The following B9D1 variants were observed in gnomAD, a reference collection of about 807,000 sequenced individuals.
B9D1 encodes the protein B9 domain-containing protein 1.
In B9D1, 20 loss-of-function variants were observed where a neutral mutation model predicts 26.1. The observed-to-expected ratio is 0.77, with a 90% CI of 0.54 to 1.12. B9D1 has a LOEUF of 1.12. Ranked by LOEUF, B9D1 falls within the 50% of genes most tolerant of loss-of-function variation. The pLI is 0.00. For missense variants in B9D1, 260 were observed against 273.7 expected, an observed-to-expected ratio of 0.95 and a Z score of 0.35; for synonymous variants, 105 against 103.1, an observed-to-expected ratio of 1.02 and a Z score of -0.11.
rs1908974532 is a variant in B9D1 at position 19,347,394 on chromosome 17, G to A, written c.342-63C>T. 6.3e-7 allele frequency: 1 copy of A among 1,586,584 alleles called. No individual in the cohort carries two copies. The highest frequency in any genetic ancestry group is 8.7e-7 in the Non-Finnish European group (1 of 1,155,930). ...AGAGACCTTTCTGAGCCTCCAGGGAGAAGAAACCCTCAGATCAGGCCAGTG... is the reference window on the plus strand; with the variant it reads ...AGAGACCTTTCTGAGCCTCCAGGGAAAAGAAACCCTCAGATCAGGCCAGTG... On this transcript the variant is annotated intron_variant, in intron 4 of 6. Coordinates refer to ENST00000261499, the MANE Select transcript of B9D1 (RefSeq NM_015681.6). The surrounding 1 kb of genome is among the most constrained non-coding windows in gnomAD (Gnocchi z 4.3).
At chr17:19,344,139 G>T (rs1054248533) in intron 5 of B9D1, among the ~76,000 whole-genome samples, 39 of 152,330 alleles carry the variant, frequency 2.6e-4, no homozygotes, top group African/African-American at 7.7e-4. Context: ...GGCTTCCATG[G>T]GTTTGGTTCA....
rs201775662 is a variant in B9D1, at chr17:19,347,240, G to C, written c.404+29C>G. The stretch of plus-strand genomic sequence containing the variant: ...CATCCATTCATCCAGTAGATCAGGA[G>C]GGGCTGGGGTTATGGGTACAAAACT... On this transcript the variant is annotated intron_variant, in intron 5 of 6. Coordinates refer to ENST00000261499, the MANE Select transcript of B9D1 (RefSeq NM_015681.6). This position sits in a 1 kb window ranked among gnomAD's most constrained non-coding sequence, Gnocchi z 4.3. 7 of 1,614,230 alleles carry C rather than the reference G, an allele frequency of 4.3e-6. No individual in the cohort carries two copies. The East Asian group carries it at 1.3e-4, about 31-fold the overall frequency.
chr17:19,340,096 A>ATC (rs1907796644), downstream of B9D1, among the ~76,000 whole-genome samples: 1 of 142,900 alleles, frequency 7.0e-6, no homozygotes, highest in South Asian at 2.2e-4. Flanking sequence ...TCACTGCATC[A>ATC]TCTCTTACCT....
intron 1 of B9D1, among the ~76,000 whole-genome samples, chr17:19,368,663 G>T (rs1045483083): frequency 2.0e-5 from 3 of 152,148 alleles, no homozygotes; most frequent in African/African-American, 4.8e-5. Flanking sequence ...TTCATTTGGG[G>T]GCGGGGCACA....
downstream of B9D1, chr17:19,337,479 G>A (rs570193728): frequency 9.4e-5 from 47 of 499,634 alleles, no homozygotes; most frequent in South Asian, 1.1e-3. Flanking sequence ...CTCTGTGCAA[G>A]TGCCTGGCTC....
At chr17:19,353,716 G>A (rs552854732) in intron 3 of B9D1, among the ~76,000 whole-genome samples, 7 of 152,172 alleles carry the variant, frequency 4.6e-5, no homozygotes, top group South Asian at 4.1e-4. Context: ...CGAGGTGGGC[G>A]GATCATTTGA....
At chr17:19,349,395 T>TG (rs1598061769) in intron 3 of B9D1, among the ~76,000 whole-genome samples, 1 of 151,298 alleles carries the variant, frequency 6.6e-6, no homozygotes, top group Non-Finnish European at 1.5e-5. Flanking sequence ...AAAAACATTT[T>TG]TTTTTTTTGA....
chr17:19,339,795 G>C (rs1249579162), downstream of B9D1, among the ~76,000 whole-genome samples: 1 of 152,154 alleles, frequency 6.6e-6, no homozygotes, highest in Non-Finnish European at 1.5e-5. Flanking sequence ...CCCTGAAGTG[G>C]GTCAGACCTC....
At chr17:19,375,505 C>A (rs1912062236) in intron 1 of B9D1, among the ~76,000 whole-genome samples, 1 of 152,122 alleles carries the variant, frequency 6.6e-6, no homozygotes, top group South Asian at 2.1e-4. Context: ...TGCCTGTAAT[C>A]CCAGCACTTT....
At chr17:19,377,330 C>T (rs1912185608) in intron 1 of B9D1, among the ~76,000 whole-genome samples, 1 of 151,964 alleles carries the variant, frequency 6.6e-6, no homozygotes, top group African/African-American at 2.4e-5. Context: ...GTGAATATAC[C>T]AAAAAACACT....
intron 5 of B9D1, chr17:19,344,660 G>A (rs1286757710): frequency 2.4e-5 from 4 of 164,728 alleles, no homozygotes; most frequent in South Asian, 2.4e-4. Flanking sequence ...ACCCGGCCCC[G>A]AGGGTCGCTG....
At chr17:19,335,596 A>C, downstream of B9D1, 5 of 833,962 alleles carry the variant, frequency 6.0e-6, no homozygotes, top group Non-Finnish European at 5.3e-6. Flanking sequence ...TCCCTGGGCA[A>C]CAGTCCCTAG....
chr17:19,339,450 C>T (rs1173210056), downstream of B9D1, among the ~76,000 whole-genome samples: 1 of 152,146 alleles, frequency 6.6e-6, no homozygotes, highest in Non-Finnish European at 1.5e-5. Flanking sequence ...CTCCTGCTGT[C>T]CAGCTTATGA....
upstream of B9D1, among the ~76,000 whole-genome samples, chr17:19,366,740 G>A (rs77901576): frequency 5.5e-3 from 836 of 152,314 alleles, 14 homozygotes; most frequent in African/African-American, 0.018. Context: ...TTGGAACACC[G>A]GTTGCTTGAA....
intron 2 of B9D1, 150 bp downstream of exon 2, chr17:19,360,170 C>T: frequency 1.3e-6 from 1 of 757,834 alleles, no homozygotes; most frequent in Non-Finnish European, 2.3e-6. Context: ...GTCCTCTGCT[C>T]CCGCTTTACC....
intron 1 of B9D1, among the ~76,000 whole-genome samples, chr17:19,361,786 A>G (rs756775191): frequency 6.6e-6 from 1 of 152,234 alleles, no homozygotes; most frequent in Non-Finnish European, 1.5e-5. Flanking sequence ...CTGGAAGGAC[A>G]GTGTAGTGAA....
At chr17:19,337,877 G>C (rs892516948), downstream of B9D1, 3 of 533,408 alleles carry the variant, frequency 5.6e-6, no homozygotes, top group African/African-American at 3.8e-5. Context: ...GGGTGGGTGG[G>C]GATGGGCAAG....
chr17:19,363,902 G>T (rs1911426843), upstream of B9D1: 1 of 152,200 alleles, frequency 6.6e-6, no homozygotes, highest in African/African-American at 2.4e-5. Flanking sequence ...TCTGACAAGA[G>T]CAGCTGGGGG....
intron 1 of B9D1, among the ~76,000 whole-genome samples, chr17:19,360,797 A>G (rs1417092944): frequency 6.6e-6 from 1 of 152,170 alleles, no homozygotes; most frequent in Non-Finnish European, 1.5e-5. Flanking sequence ...CTAGACCATG[A>G]GTAGAGAAGA....
Sources: gnomAD v4.1 joint callset for allele counts (sites outside exome capture counted in the v4.1 genomes callset) on GRCh38, gnomAD v4.1.1 for gene constraint, Gnocchi (gnomAD v3.1) non-coding constraint, MANE v1.5 for transcripts, NCBI Gene and HGNC (gene_info 2026-07-23, HGNC 2026-07-21) for gene names.